Variants in IFNAR1 observed in about 807,000 individuals in gnomAD.
The protein encoded by IFNAR1 is interferon alpha and beta receptor subunit 1.
IFNAR1 carries 47 observed loss-of-function variants against 62.1 expected under a neutral mutation model. The ratio of observed to expected loss-of-function variants is 0.76; its 90% CI spans 0.60 to 0.97. The LOEUF (loss-of-function observed/expected upper bound fraction) is 0.97, where lower values mean the gene tolerates loss of function less well. Ranked by LOEUF, IFNAR1 falls within the 50% of genes least tolerant of loss-of-function variation. The pLI, the probability that IFNAR1 is intolerant of heterozygous loss-of-function variation, is 0.00. For missense variants in IFNAR1, 638 were observed against 654.5 expected (o/e 0.97, Z 0.27); for synonymous variants, 219 against 226.9 (o/e 0.97, Z 0.31).
At chr21:33,326,625 G>A (rs572540191) in intron 1 of IFNAR1, among the ~76,000 whole-genome samples, 3 of 152,200 alleles carry the variant, frequency 2.0e-5, no homozygotes, top group African/African-American at 7.2e-5. Context: ...TGTCAGGGTA[G>A]CCCTTCGCAG....
At chr21:33,346,609 C>A (rs79347769) in intron 6 of IFNAR1, among the ~76,000 whole-genome samples, 2,738 of 152,216 alleles carry the variant, frequency 0.018, 38 homozygotes, top group Non-Finnish European at 0.027. Flanking sequence ...TGGGTACTTA[C>A]CATATTGTAC....
chr21:33,342,489 A>G (rs2083300053), intron 3 of IFNAR1, among the ~76,000 whole-genome samples: 2 of 152,064 alleles, frequency 1.3e-5, no homozygotes, highest in South Asian at 2.1e-4. Flanking sequence ...CTCCCTTTCT[A>G]TACTAATCTT....
chr21:33,350,058 A>G (rs189500109), intron 8 of IFNAR1, among the ~76,000 whole-genome samples: 5 of 151,622 alleles, frequency 3.3e-5, no homozygotes, highest in Admixed American at 6.6e-5. Context: ...TCCTGAGCCT[A>G]TTGTTACTGA....
chr21:33,350,597 A>G (rs1283030719), intron 8 of IFNAR1, among the ~76,000 whole-genome samples: 1 of 152,130 alleles, frequency 6.6e-6, no homozygotes, highest in Non-Finnish European at 1.5e-5. Context: ...CCGTCAGATA[A>G]TATACGTGTT....
chr21:33,344,360 A>G (rs1419765204), intron 5 of IFNAR1, among the ~76,000 whole-genome samples: 2 of 152,166 alleles, frequency 1.3e-5, no homozygotes, highest in Non-Finnish European at 2.9e-5. Flanking sequence ...ATCCTGATAC[A>G]TTTAGTAACA....
At chr21:33,334,217 C>T (rs2083210972) in intron 1 of IFNAR1, among the ~76,000 whole-genome samples, 1 of 152,032 alleles carries the variant, frequency 6.6e-6, no homozygotes, top group East Asian at 1.9e-4. Flanking sequence ...AGATAGACTC[C>T]AATATGATAG....
intron 3 of IFNAR1, among the ~76,000 whole-genome samples, chr21:33,341,915 A>G (rs1601859035): frequency 6.6e-6 from 1 of 152,142 alleles, no homozygotes; most frequent in African/African-American, 2.4e-5. Context: ...TCCCAACCTC[A>G]GGTGATCTGC....
chr21:33,325,967 G>A (rs1352000969), intron 1 of IFNAR1, among the ~76,000 whole-genome samples: 1 of 152,136 alleles, frequency 6.6e-6, no homozygotes, highest in African/African-American at 2.4e-5. Context: ...TTTGTTGAGA[G>A]GAGAGGTCCA....
At position 33,357,763 on chromosome 21, in the gene IFNAR1, C is replaced by T. The variant is rs1264196615; in HGVS notation, c.*2214C>T. 1 of 152,282 alleles carries T rather than the reference C, an allele frequency of 6.6e-6. No homozygotes were observed. Among genetic ancestry groups the T allele is most frequent in the Admixed American group, 6.5e-5 (1 of 15,284 alleles). 9.4% of individuals were successfully genotyped at this position (152,282 alleles called of 1,614,324 possible). A position where few individuals can be genotyped will look rare whatever the true frequency, so the allele number is the denominator to read the frequency against. On this transcript the variant is annotated 3_prime_UTR_variant, in exon 11 of 11. Transcript: ENST00000270139. ...CAGGCTGGTCTTGGACTCCTGACCT[C>T]ATGCTCCACCCGCTTCGGCCTCCCA...
chr21:33,347,685 T>G (rs1334231170), intron 6 of IFNAR1, among the ~76,000 whole-genome samples: 1 of 152,188 alleles, frequency 6.6e-6, no homozygotes, highest in Non-Finnish European at 1.5e-5. Context: ...CTTCTGCCAC[T>G]TAATGTAACC....
chr21:33,326,823 T>TAATAAA (rs2083131208), intron 1 of IFNAR1, among the ~76,000 whole-genome samples: 1 of 151,232 alleles, frequency 6.6e-6, no homozygotes, highest in Non-Finnish European at 1.5e-5. Flanking sequence ...AAAAGAAAAA[T>TAATAAA]ACAAAGGCAG....
chr21:33,330,893 C>T (rs1469673923), intron 1 of IFNAR1, among the ~76,000 whole-genome samples: 2 of 152,224 alleles, frequency 1.3e-5, no homozygotes, highest in East Asian at 3.8e-4. Flanking sequence ...CAGACAGCAA[C>T]TAAGCCAAGC....
Position 33,343,550 on chromosome 21 carries a change from A to G in IFNAR1, c.547A>G (p.Ile183Val), listed in dbSNP as rs770624214. The G allele has an allele frequency of 1.6e-5, 25 of 1,543,512 alleles. No individual in the cohort carries two copies. In the South Asian group the frequency reaches 2.1e-4, roughly 13 times the overall value. The change falls in exon 5 of 11, where the codon ATT (isoleucine) becomes GTT (valine). Residue 183 changes from isoleucine (I) to valine (V), a missense_variant. Transcript: ENST00000270139. ...SSGVEERIEN[I>V]YSRHKIYKLS... ...TGTGTTATAGGAAAGGATTGAAAATATTTATTCCAGACATAAAATTTATAA... is the reference window on the plus strand; with the variant it reads ...TGTGTTATAGGAAAGGATTGAAAATGTTTATTCCAGACATAAAATTTATAA...
intron 9 of IFNAR1, among the ~76,000 whole-genome samples, chr21:33,353,163 C>T (rs1429621041): frequency 1.3e-5 from 2 of 152,138 alleles, no homozygotes; most frequent in Non-Finnish European, 2.9e-5. Flanking sequence ...TAATGTATTT[C>T]TCTTTAACAT....
intron 6 of IFNAR1, among the ~76,000 whole-genome samples, chr21:33,345,864 A>G (rs1044657526): frequency 2.6e-5 from 4 of 152,224 alleles, no homozygotes; most frequent in South Asian, 2.1e-4. Context: ...GGAAAGAACT[A>G]TGTTCTATGT....
chr21:33,334,917 G>A (rs939302762), intron 1 of IFNAR1: 2 of 1,548,102 alleles, frequency 1.3e-6, no homozygotes, highest in Non-Finnish European at 1.8e-6. Flanking sequence ...CCCCTGCAGT[G>A]GGAGATGGGG....
chr21:33,350,648 C>T (rs558601796), intron 8 of IFNAR1, among the ~76,000 whole-genome samples: 1 of 152,262 alleles, frequency 6.6e-6, no homozygotes, highest in East Asian at 1.9e-4. Context: ...AGTCAAGAAT[C>T]GACCTTTAAA....
intron 1 of IFNAR1, among the ~76,000 whole-genome samples, chr21:33,325,552 C>G (rs1276033661): frequency 6.6e-6 from 1 of 152,196 alleles, no homozygotes; most frequent in African/African-American, 2.4e-5. Flanking sequence ...GCCAGGATTT[C>G]TCTGCCCTCA....
intron 1 of IFNAR1, among the ~76,000 whole-genome samples, chr21:33,329,121 T>C (rs2083154118): frequency 6.6e-6 from 1 of 152,192 alleles, no homozygotes; most frequent in Admixed American, 6.5e-5. Context: ...TCTCCTTCTT[T>C]TAGCAGTAAA....
Sources: gnomAD v4.1 joint callset for allele counts (sites outside exome capture counted in the v4.1 genomes callset) on GRCh38, gnomAD v4.1.1 for gene constraint, MANE v1.5 for transcripts, NCBI Gene and HGNC (gene_info 2026-07-23, HGNC 2026-07-21) for gene names.